Variants in CADM2 observed in about 807,000 individuals in gnomAD.
CADM2 encodes immunoglobulin superfamily member 4D.
CADM2 carries 12 observed loss-of-function variants against 49.8 expected under a neutral mutation model. That is an observed-to-expected ratio of 0.24 (90% CI 0.15 to 0.39). The LOEUF is 0.39. CADM2 is among the 10% of genes least tolerant of loss of function. CADM2 has a pLI of 1.00. For synonymous variants in CADM2, 214 were observed against 175.4 expected (o/e 1.22, Z -1.74); for missense variants, 378 against 492.3 (o/e 0.77, Z 2.20).
At chr3:85,052,662 T>C (rs888445647) in intron 1 of CADM2, among the ~76,000 whole-genome samples, 1 of 152,094 alleles carries the variant, frequency 6.6e-6, no homozygotes, top group African/African-American at 2.4e-5. Context: ...ATAAGGCAGT[T>C]TGCCCTTGGA....
chr3:85,482,180 G>A (rs2039241344), intron 1 of CADM2, among the ~76,000 whole-genome samples: 1 of 151,674 alleles, frequency 6.6e-6, no homozygotes, highest in Non-Finnish European at 1.5e-5. Context: ...TCTGTAGCTT[G>A]TCTCTGGATA....
At chr3:85,708,330 C>G (rs1403287735) in intron 1 of CADM2, among the ~76,000 whole-genome samples, 1 of 151,872 alleles carries the variant, frequency 6.6e-6, no homozygotes, top group East Asian at 1.9e-4. Flanking sequence ...AGATTAATAG[C>G]ATTTTGTTAC....
At chr3:85,308,125 A>C (rs1263469235) in intron 1 of CADM2, among the ~76,000 whole-genome samples, 1 of 151,852 alleles carries the variant, frequency 6.6e-6, no homozygotes, top group Non-Finnish European at 1.5e-5. Context: ...GTTGCTTTAA[A>C]ATTGTGTAAA....
intron 2 of CADM2, among the ~76,000 whole-genome samples, chr3:85,792,902 A>C (rs1268611304): frequency 6.6e-6 from 1 of 152,052 alleles, no homozygotes; most frequent in Admixed American, 6.6e-5. Flanking sequence ...CAGAGGTAAG[A>C]GTGGCCATAA....
At chr3:85,002,149 T>A (rs772101773) in intron 1 of CADM2, among the ~76,000 whole-genome samples, 5 of 152,176 alleles carry the variant, frequency 3.3e-5, no homozygotes, top group Non-Finnish European at 5.9e-5. Context: ...TTTCTTAATA[T>A]TTTTGGTGAA....
intron 1 of CADM2, among the ~76,000 whole-genome samples, chr3:85,412,545 T>C (rs2035703212): frequency 6.6e-6 from 1 of 152,018 alleles, no homozygotes; most frequent in Non-Finnish European, 1.5e-5. Context: ...TTTTTTTTTT[T>C]TTCTGTATCA....
chr3:85,408,020 A>AAAAC (rs1559824514), intron 1 of CADM2, among the ~76,000 whole-genome samples: 1 of 149,198 alleles, frequency 6.7e-6, no homozygotes, highest in East Asian at 1.9e-4. Flanking sequence ...CAAAAAAAAA[A>AAAAC]AAAAAAAAAA....
chr3:85,309,079 T>A (rs1385792247), intron 1 of CADM2, among the ~76,000 whole-genome samples: 1 of 152,060 alleles, frequency 6.6e-6, no homozygotes, highest in Non-Finnish European at 1.5e-5. Flanking sequence ...AACACTTCCT[T>A]TGTCAATATA....
intron 1 of CADM2, among the ~76,000 whole-genome samples, chr3:85,464,672 C>G (rs1228267933): frequency 1.3e-5 from 2 of 152,268 alleles, no homozygotes; most frequent in East Asian, 3.9e-4. Flanking sequence ...TTCGTTTCAT[C>G]ATATATTACA....
intron 2 of CADM2, among the ~76,000 whole-genome samples, chr3:85,770,869 T>C (rs2070047978): frequency 6.6e-6 from 1 of 152,174 alleles, no homozygotes; most frequent in South Asian, 2.1e-4. Context: ...TGATTTTCCA[T>C]ATACTTTGAT....
intron 2 of CADM2, among the ~76,000 whole-genome samples, chr3:85,781,985 CT>C (rs2070678845): frequency 6.6e-6 from 1 of 152,214 alleles, no homozygotes; most frequent in African/African-American, 2.4e-5. Flanking sequence ...GCCACTTATG[CT>C]TTGCTACTTT....
intron 1 of CADM2, among the ~76,000 whole-genome samples, chr3:85,392,601 G>T (rs963561345): frequency 9.9e-5 from 15 of 151,944 alleles, no homozygotes; most frequent in African/African-American, 3.1e-4. Flanking sequence ...TTTATTATTA[G>T]ATTTTTAAAG....
intron 3 of CADM2, among the ~76,000 whole-genome samples, chr3:85,846,066 G>C (rs2074866587): frequency 6.6e-6 from 1 of 152,088 alleles, no homozygotes; most frequent in Non-Finnish European, 1.5e-5. Context: ...CTTTTCATAG[G>C]AGAGACTCAG....
intron 1 of CADM2, among the ~76,000 whole-genome samples, chr3:85,598,872 T>G (rs1465372102): frequency 6.6e-6 from 1 of 151,510 alleles, no homozygotes; most frequent in Non-Finnish European, 1.5e-5. Context: ...TATATATATA[T>G]AGATTTATTA....
At chr3:84,989,775 A>G (rs1053498569) in intron 1 of CADM2, among the ~76,000 whole-genome samples, 8 of 152,058 alleles carry the variant, frequency 5.3e-5, no homozygotes, top group African/African-American at 1.9e-4. Flanking sequence ...GAATTAACTG[A>G]AATAATTTTT....
At chr3:85,517,188 TA>T (rs547779411) in intron 1 of CADM2, among the ~76,000 whole-genome samples, 76 of 150,984 alleles carry the variant, frequency 5.0e-4, no homozygotes, top group African/African-American at 1.3e-3. Flanking sequence ...TTAGATCTTT[TA>T]AAAAAAAACA....
intron 1 of CADM2, among the ~76,000 whole-genome samples, chr3:85,613,215 A>G (rs1375994465): frequency 6.6e-6 from 1 of 151,794 alleles, no homozygotes. Context: ...AGAATATGCT[A>G]TCCATTACAT....
chr3:86,006,084 G>C (rs1384904127), intron 8 of CADM2, among the ~76,000 whole-genome samples: 1 of 152,140 alleles, frequency 6.6e-6, no homozygotes. Flanking sequence ...ACTCCATTGT[G>C]TATATGTACC....
chr3:85,571,855 T>C (rs2062488602), intron 1 of CADM2, among the ~76,000 whole-genome samples: 4 of 152,224 alleles, frequency 2.6e-5, no homozygotes. Context: ...ACATGACTTA[T>C]AGTCATGAAT....
Sources: allele counts gnomAD v4.1 joint callset (sites outside exome capture counted in the v4.1 genomes callset), GRCh38; gene constraint gnomAD v4.1.1; transcripts MANE v1.5; gene names NCBI Gene and HGNC (gene_info 2026-07-23, HGNC 2026-07-21).